PRKD1: variants seen among roughly 807,000 people sequenced by gnomAD.
The protein encoded by PRKD1 is protein kinase D1, also known as serine/threonine-protein kinase D1.
In PRKD1, 63 loss-of-function variants were observed where a neutral mutation model predicts 95.9. The ratio of observed to expected loss-of-function variants is 0.66; its 90% CI spans 0.54 to 0.81. The LOEUF (loss-of-function observed/expected upper bound fraction) is 0.81. Ranked by LOEUF, PRKD1 falls within the 30% of genes least tolerant of loss-of-function variation. PRKD1 has a pLI of 0.00. For synonymous variants in PRKD1, 425 were observed against 423.1 expected, an observed-to-expected ratio of 1.00 and a Z score of -0.05; for missense variants, 1,048 against 1,165.3, an observed-to-expected ratio of 0.90 and a Z score of 1.47.
chr14:29,705,328 T>A (rs1885030308), intron 2 of PRKD1, among the ~76,000 whole-genome samples: 1 of 151,958 alleles, frequency 6.6e-6, no homozygotes, highest in African/African-American at 2.4e-5. Context: ...TAATTGCGGT[T>A]TTTGCCACTG....
intron 1 of PRKD1, among the ~76,000 whole-genome samples, chr14:29,778,015 G>A (rs1888852998): frequency 6.6e-6 from 1 of 152,126 alleles, no homozygotes; most frequent in South Asian, 2.1e-4. Context: ...CAACTACATG[G>A]AAACTGAACA....
chr14:29,790,967 C>T (rs184889677), intron 1 of PRKD1, among the ~76,000 whole-genome samples: 1 of 152,286 alleles, frequency 6.6e-6, no homozygotes, highest in Admixed American at 6.5e-5. Context: ...TAGGTGACCT[C>T]AGTGAGCCCT....
At chr14:29,750,525 G>T (rs149343529) in intron 1 of PRKD1, among the ~76,000 whole-genome samples, 411 of 152,106 alleles carry the variant, frequency 2.7e-3, no homozygotes, top group Admixed American at 8.5e-3. Flanking sequence ...TCAGGATCAC[G>T]AATGGCCAGA....
chr14:29,834,954 C>G (rs909912096), intron 1 of PRKD1, among the ~76,000 whole-genome samples: 1 of 152,126 alleles, frequency 6.6e-6, no homozygotes, highest in Non-Finnish European at 1.5e-5. Flanking sequence ...TATTACACAG[C>G]TAAAGAGACC....
At chr14:29,814,878 G>C (rs1057142952) in intron 1 of PRKD1, among the ~76,000 whole-genome samples, 1 of 152,170 alleles carries the variant, frequency 6.6e-6, no homozygotes, top group Non-Finnish European at 1.5e-5. Flanking sequence ...ATATAGGAAA[G>C]AGCCAACTTG....
At chr14:29,717,192 A>G (rs987525996) in intron 2 of PRKD1, among the ~76,000 whole-genome samples, 22 of 152,176 alleles carry the variant, frequency 1.4e-4, no homozygotes, top group African/African-American at 4.8e-4. Flanking sequence ...CAATAAATAG[A>G]TATTGATTGC....
chr14:29,736,731 A>G (rs1303288542), intron 1 of PRKD1, among the ~76,000 whole-genome samples: 1 of 152,166 alleles, frequency 6.6e-6, no homozygotes. Flanking sequence ...ATTCTACCCT[A>G]TGCTGGAAAC....
At chr14:29,699,109 C>A (rs568379521) in intron 2 of PRKD1, among the ~76,000 whole-genome samples, 1 of 152,210 alleles carries the variant, frequency 6.6e-6, no homozygotes, top group South Asian at 2.1e-4. Flanking sequence ...CTTACCATAG[C>A]GGATTTCTAA....
chr14:29,602,753 A>C (rs903013609), intron 13 of PRKD1, among the ~76,000 whole-genome samples: 1 of 152,120 alleles, frequency 6.6e-6, no homozygotes, highest in Non-Finnish European at 1.5e-5. Flanking sequence ...TAGAGGTACT[A>C]AAGTCCTTCA....
chr14:29,852,434 A>G (rs895575456), intron 1 of PRKD1, among the ~76,000 whole-genome samples: 1 of 152,078 alleles, frequency 6.6e-6, no homozygotes, highest in Non-Finnish European at 1.5e-5. Context: ...TATTCTGAGG[A>G]AAGGAAAGAG....
At chr14:29,785,680 G>A (rs1161489872) in intron 1 of PRKD1, among the ~76,000 whole-genome samples, 2 of 151,732 alleles carry the variant, frequency 1.3e-5, no homozygotes, top group East Asian at 1.9e-4. Context: ...TGTGGGGTGG[G>A]GGGAAGGGGG....
intron 2 of PRKD1, among the ~76,000 whole-genome samples, chr14:29,670,810 C>T (rs559773912): frequency 6.6e-6 from 1 of 152,140 alleles, no homozygotes; most frequent in East Asian, 1.9e-4. Context: ...TTCATGCAAC[C>T]GTTGTTCAAG....
intron 1 of PRKD1, among the ~76,000 whole-genome samples, chr14:29,789,593 C>A (rs1889441550): frequency 6.6e-6 from 1 of 152,100 alleles, no homozygotes; most frequent in East Asian, 1.9e-4. Flanking sequence ...TATCCAGGCA[C>A]CTAGGTGGTG....
At chr14:29,849,730 A>G (rs897905061) in intron 1 of PRKD1, among the ~76,000 whole-genome samples, 30 of 152,058 alleles carry the variant, frequency 2.0e-4, no homozygotes, top group African/African-American at 6.3e-4. Context: ...CTATAAATCA[A>G]GCATCATTCT....
intron 16 of PRKD1, among the ~76,000 whole-genome samples, chr14:29,582,468 TA>T (rs1892785046): frequency 6.6e-6 from 1 of 152,208 alleles, no homozygotes; most frequent in Admixed American, 6.5e-5. Flanking sequence ...TATGATTTAT[TA>T]AAAATTACCA....
intron 1 of PRKD1, among the ~76,000 whole-genome samples, chr14:29,893,240 C>A (rs1894001398): frequency 6.6e-6 from 1 of 151,806 alleles, no homozygotes; most frequent in South Asian, 2.1e-4. Context: ...GATCAGATTT[C>A]CAAATATTTA....
intron 2 of PRKD1, among the ~76,000 whole-genome samples, chr14:29,683,323 C>A (rs979094371): frequency 3.9e-5 from 6 of 152,064 alleles, no homozygotes; most frequent in African/African-American, 1.4e-4. Context: ...GACCAGGAAC[C>A]AACTGGTACC....
intron 2 of PRKD1, among the ~76,000 whole-genome samples, chr14:29,701,662 A>C (rs1884850888): frequency 6.6e-6 from 1 of 152,034 alleles, no homozygotes. Flanking sequence ...TTTCTTTTTT[A>C]ACTCTTACAT....
At chr14:29,816,717 G>A (rs537861222) in intron 1 of PRKD1, among the ~76,000 whole-genome samples, 29 of 152,136 alleles carry the variant, frequency 1.9e-4, no homozygotes, top group African/African-American at 6.0e-4. Flanking sequence ...CTTTAGCTTT[G>A]CTGACAGTTT....
Sources: gnomAD v4.1 joint callset for allele counts (sites outside exome capture counted in the v4.1 genomes callset) on GRCh38, gnomAD v4.1.1 for gene constraint, MANE v1.5 for transcripts, NCBI Gene and HGNC (gene_info 2026-07-23, HGNC 2026-07-21) for gene names.